The following PRELID2 variants were observed in gnomAD, a reference collection of about 807,000 sequenced individuals.
PRELID2 encodes PRELI domain-containing protein 2.
A neutral mutation model predicts 28.4 loss-of-function variants in PRELID2; 25 were observed. The ratio of observed to expected loss-of-function variants is 0.88; its 90% CI spans 0.64 to 1.23. The LOEUF (loss-of-function observed/expected upper bound fraction) is 1.23. Among genes scored for constraint, PRELID2 ranks in the 50% most tolerant of loss-of-function variants. The pLI, the probability that PRELID2 is intolerant of heterozygous loss-of-function variation, is 0.00. For missense variants in PRELID2, 201 were observed against 214.4 expected (o/e 0.94, Z 0.39); for synonymous variants, 76 against 71.6 (o/e 1.06, Z -0.31).
At chr5:145,283,850 G>A in the PRELID2 span, among the ~76,000 whole-genome samples, 2 of 152,224 alleles carry the variant, frequency 1.3e-5, no homozygotes, top group Admixed American at 1.3e-4. Context: ...AATTATGTAT[G>A]TTCAGCTAAA....
chr5:145,796,550 G>GA lies in PRELID2; in HGVS notation c.369-4_369-3insT. 1 of 1,576,350 alleles carries GA rather than the reference G, an allele frequency of 6.3e-7. No individual in the cohort carries two copies. Among genetic ancestry groups the GA allele is most frequent in the Admixed American group, 1.8e-5 (1 of 54,728 alleles). On this transcript the variant is annotated splice_polypyrimidine_tract_variant and splice_region_variant and intron_variant, in intron 4 of 6. Transcript: ENST00000683046. ...TGCCTCTTTGAATGAACTCTGTCCT[G>GA]CAAAAAAAACAAAAAACACATCTTT...
rs1308163524 is a variant in PRELID2 at position 145,640,479 on chromosome 5, A to C, written n.70+124452T>G. ...CGACAGAGCGAGACTCCGTCTCAAA[A>C]AAAAAAAAAAAAAAATTGGCCGGCC... On this transcript the variant is annotated intron_variant and non_coding_transcript_variant, in intron 1 of 2. Coordinates refer to the PRELID2 transcript ENST00000510259. Among the ~76,000 whole-genome samples the C allele has an allele frequency of 5.1e-3, 749 of 148,058 alleles. 6 individuals are homozygous for C. Among genetic ancestry groups the C allele is most frequent in the African/African-American group, 0.017 (687 of 39,988 alleles).
chr5:145,414,655 A>C, the PRELID2 span, among the ~76,000 whole-genome samples: 3 of 152,218 alleles, frequency 2.0e-5, no homozygotes, highest in Admixed American at 6.5e-5. Flanking sequence ...ATAAATACAC[A>C]ATGCATACAA....
chr5:145,650,703 A>T (rs1754280246), intron 1 of PRELID2, among the ~76,000 whole-genome samples: 1 of 151,984 alleles, frequency 6.6e-6, no homozygotes, highest in Admixed American at 6.6e-5. Flanking sequence ...GAGGAAAAAA[A>T]CCTAGAACCT....
At chr5:145,553,960 A>C (rs1464455525) in intron 1 of PRELID2, among the ~76,000 whole-genome samples, 1 of 152,182 alleles carries the variant, frequency 6.6e-6, no homozygotes, top group Non-Finnish European at 1.5e-5. Context: ...ATGGTGGCAA[A>C]GTTTCTGGTG....
intron 1 of PRELID2, among the ~76,000 whole-genome samples, chr5:145,627,321 T>C (rs1041640386): frequency 6.6e-6 from 1 of 151,708 alleles, no homozygotes; most frequent in African/African-American, 2.4e-5. Context: ...TGGGTATACA[T>C]ACCTATACAG....
chr5:145,468,638 T>C (rs2126602284), downstream of PRELID2, among the ~76,000 whole-genome samples: 1 of 152,304 alleles, frequency 6.6e-6, no homozygotes, highest in Non-Finnish European at 1.5e-5. Context: ...CATCTCACTG[T>C]GGTTTTGATT....
intron 1 of PRELID2, among the ~76,000 whole-genome samples, chr5:145,624,726 G>T (rs767684706): frequency 1.3e-5 from 2 of 152,086 alleles, no homozygotes; most frequent in Non-Finnish European, 2.9e-5. Context: ...TTATAAAAGA[G>T]ATTTATAAAT....
the PRELID2 span, among the ~76,000 whole-genome samples, chr5:145,425,576 T>C: frequency 1.3e-5 from 2 of 152,156 alleles, no homozygotes; most frequent in East Asian, 1.9e-4. Context: ...TATGCAGCCA[T>C]AAAAAAGAAC....
At chr5:145,353,174 G>A in the PRELID2 span, among the ~76,000 whole-genome samples, 36 of 152,226 alleles carry the variant, frequency 2.4e-4, no homozygotes, top group Admixed American at 5.2e-4. Context: ...AGAAATACCT[G>A]AGGATGGGCA....
intron 5 of PRELID2, among the ~76,000 whole-genome samples, chr5:145,789,465 C>T (rs1040108038): frequency 1.3e-5 from 2 of 152,086 alleles, no homozygotes; most frequent in Non-Finnish European, 2.9e-5. Flanking sequence ...TAAAATTGGA[C>T]CTGTATCTCA....
chr5:145,656,087 C>A (rs1164180279), intron 1 of PRELID2, among the ~76,000 whole-genome samples: 1 of 152,136 alleles, frequency 6.6e-6, no homozygotes, highest in Non-Finnish European at 1.5e-5. Flanking sequence ...ACAAAGTGGG[C>A]AAAGGAGATG....
At chr5:145,827,825 A>C (rs1755295663) in intron 1 of PRELID2, among the ~76,000 whole-genome samples, 1 of 152,164 alleles carries the variant, frequency 6.6e-6, no homozygotes, top group African/African-American at 2.4e-5. Flanking sequence ...CTGGCAGCTA[A>C]ATGCAATGTG....
the PRELID2 span, among the ~76,000 whole-genome samples, chr5:145,335,294 G>C: frequency 1.3e-5 from 2 of 151,472 alleles, no homozygotes; most frequent in African/African-American, 4.8e-5. Context: ...GCATTATTCA[G>C]CTTCTTCTGT....
chr5:145,720,108 G>C (rs759222612), intron 1 of PRELID2, among the ~76,000 whole-genome samples: 5 of 151,380 alleles, frequency 3.3e-5, no homozygotes, highest in Non-Finnish European at 7.4e-5. Context: ...TTAAATGAAG[G>C]ACAAGCAAAG....
intron 5 of PRELID2, among the ~76,000 whole-genome samples, chr5:145,766,058 G>A (rs1757730974): frequency 6.6e-6 from 1 of 152,096 alleles, no homozygotes; most frequent in Admixed American, 6.5e-5. Context: ...GAAGAAAGAA[G>A]AAAGCATGAA....
At chr5:145,406,825 G>A in the PRELID2 span, among the ~76,000 whole-genome samples, 3 of 152,194 alleles carry the variant, frequency 2.0e-5, no homozygotes, top group African/African-American at 7.2e-5. Flanking sequence ...CCAGACCACA[G>A]GAGAAAGATT....
At chr5:145,465,091 C>A in the PRELID2 span, among the ~76,000 whole-genome samples, 2 of 152,142 alleles carry the variant, frequency 1.3e-5, no homozygotes, top group African/African-American at 4.8e-5. Context: ...TAATGCCTTC[C>A]ACCTGTTCCC....
the PRELID2 span, among the ~76,000 whole-genome samples, chr5:145,300,144 A>G: frequency 2.2e-4 from 34 of 152,248 alleles, no homozygotes; most frequent in Admixed American, 2.0e-3. Flanking sequence ...AAAAAATGCC[A>G]TCTTTGACCA....
Sources: allele counts gnomAD v4.1 joint callset (sites outside exome capture counted in the v4.1 genomes callset), GRCh38; gene constraint gnomAD v4.1.1; transcripts MANE v1.5; gene names NCBI Gene and HGNC (gene_info 2026-07-23, HGNC 2026-07-21).